The following GABRB2 variants were observed in gnomAD, a reference collection of about 807,000 sequenced individuals.
The protein encoded by GABRB2 is gamma-aminobutyric acid type A receptor subunit beta2.
Under a neutral mutation model 54.7 loss-of-function variants are expected in GABRB2, and 16 were observed. The observed-to-expected ratio is 0.29, with a 90% CI of 0.20 to 0.44. The LOEUF is 0.44. Ranked by LOEUF, GABRB2 falls within the 20% of genes least tolerant of loss-of-function variation. The pLI is 1.00. For synonymous variants in GABRB2, 244 were observed against 233.8 expected, an observed-to-expected ratio of 1.04 and a Z score of -0.40; for missense variants, 355 against 644.0, an observed-to-expected ratio of 0.55 and a Z score of 4.86.
At chr5:161,324,298 A>G (rs967110549) in intron 9 of GABRB2, among the ~76,000 whole-genome samples, 6 of 152,166 alleles carry the variant, frequency 3.9e-5, no homozygotes, top group East Asian at 1.9e-4. Context: ...TACTTTGTGT[A>G]ATTTTAAGAA....
At chr5:161,428,145 A>G (rs1757059520) in intron 4 of GABRB2, among the ~76,000 whole-genome samples, 1 of 152,182 alleles carries the variant, frequency 6.6e-6, no homozygotes, top group Non-Finnish European at 1.5e-5. Flanking sequence ...GCATTAGGCT[A>G]GTGGCTCCTA....
At chr5:161,440,755 T>A (rs1757447013) in intron 4 of GABRB2, among the ~76,000 whole-genome samples, 1 of 152,150 alleles carries the variant, frequency 6.6e-6, no homozygotes, top group African/African-American at 2.4e-5. Flanking sequence ...AGCATGGTAC[T>A]GGCATAGAAA....
chr5:161,301,832 A>G (rs1267791039), intron 9 of GABRB2, among the ~76,000 whole-genome samples: 1 of 152,020 alleles, frequency 6.6e-6, no homozygotes, highest in Non-Finnish European at 1.5e-5. Flanking sequence ...CCAACAAAGA[A>G]GTCTCCTGCT....
intron 4 of GABRB2, among the ~76,000 whole-genome samples, chr5:161,428,676 A>G (rs1352011469): frequency 6.6e-6 from 1 of 152,236 alleles, no homozygotes; most frequent in Non-Finnish European, 1.5e-5. Context: ...ATTCATAGAT[A>G]GCCTTCATTC....
chr5:161,416,696 CAAAAAAAAAAAAAAA>C (rs70990782), intron 4 of GABRB2, among the ~76,000 whole-genome samples: 1 of 35,120 alleles, frequency 2.8e-5, no homozygotes, highest in Admixed American at 4.6e-4. Context: ...GACTCCGTCT[CAAAAAAAAAAAAAAA>C]AAAAAAAAAA....
chr5:161,473,441 G>A (rs552277994), intron 3 of GABRB2, among the ~76,000 whole-genome samples: 6 of 152,036 alleles, frequency 3.9e-5, no homozygotes, highest in Admixed American at 2.6e-4. Flanking sequence ...TACTTACCTC[G>A]AGGAGGAAAA....
intron 4 of GABRB2, among the ~76,000 whole-genome samples, chr5:161,455,750 C>G (rs1757936718): frequency 6.6e-6 from 1 of 151,872 alleles, no homozygotes; most frequent in African/African-American, 2.4e-5. Flanking sequence ...CCAGGCTGGT[C>G]CTGAACTCCT....
chr5:161,393,221 A>C (rs1755885752), intron 5 of GABRB2, among the ~76,000 whole-genome samples: 1 of 148,354 alleles, frequency 6.7e-6, no homozygotes, highest in South Asian at 2.2e-4. Context: ...ACAGTGAAGG[A>C]AAGGGTAATG....
intron 9 of GABRB2, among the ~76,000 whole-genome samples, chr5:161,299,807 A>G (rs1372412815): frequency 3.3e-5 from 5 of 152,190 alleles, no homozygotes; most frequent in African/African-American, 1.2e-4. Context: ...TCATTTAAAG[A>G]TCTCAACAAC....
At chr5:161,338,492 A>G (rs556831686) in intron 5 of GABRB2, among the ~76,000 whole-genome samples, 1 of 152,196 alleles carries the variant, frequency 6.6e-6, no homozygotes, top group East Asian at 1.9e-4. Context: ...CTTTCATTTA[A>G]AAGTAAATTT....
At chr5:161,403,852 G>T (rs941613723) in intron 5 of GABRB2, among the ~76,000 whole-genome samples, 1 of 152,130 alleles carries the variant, frequency 6.6e-6, no homozygotes, top group African/African-American at 2.4e-5. Flanking sequence ...ATCCATGGCA[G>T]ATTTATGCAG....
chr5:161,389,481 C>T, intron 5 of GABRB2, among the ~76,000 whole-genome samples: 1 of 151,946 alleles, frequency 6.6e-6, no homozygotes, highest in East Asian at 1.9e-4. Flanking sequence ...TAATATATCT[C>T]ATATTCATTA....
At chr5:161,535,068 A>G (rs1346037311) in intron 3 of GABRB2, among the ~76,000 whole-genome samples, 1 of 152,246 alleles carries the variant, frequency 6.6e-6, no homozygotes, top group Non-Finnish European at 1.5e-5. Flanking sequence ...ATTAATGGTT[A>G]CCTGACAGAT....
At chr5:161,328,038 A>G (rs771741580) in intron 8 of GABRB2, among the ~76,000 whole-genome samples, 32 of 152,320 alleles carry the variant, frequency 2.1e-4, no homozygotes, top group Non-Finnish European at 1.2e-4. Context: ...CTTGATGGTC[A>G]GCATTTTGTT....
intron 4 of GABRB2, among the ~76,000 whole-genome samples, chr5:161,428,227 T>C (rs1232021903): frequency 1.3e-5 from 2 of 152,042 alleles, no homozygotes; most frequent in Admixed American, 6.6e-5. Context: ...AGGATACATA[T>C]AGACAGTAAA....
chr5:161,497,559 T>TG (rs58735264), intron 3 of GABRB2, among the ~76,000 whole-genome samples: 15 of 150,616 alleles, frequency 1.0e-4, no homozygotes, highest in African/African-American at 2.4e-4. Flanking sequence ...TGTGTGTGTG[T>TG]TTTATTTAGT....
intron 4 of GABRB2, among the ~76,000 whole-genome samples, chr5:161,414,332 G>T (rs1455779377): frequency 6.6e-6 from 1 of 152,232 alleles, no homozygotes; most frequent in African/African-American, 2.4e-5. Context: ...ACAAAAGTAG[G>T]AATGTTTTTA....
At chr5:161,472,457 C>A (rs1758470293) in intron 3 of GABRB2, among the ~76,000 whole-genome samples, 1 of 140,500 alleles carries the variant, frequency 7.1e-6, no homozygotes, top group Admixed American at 7.0e-5. Context: ...CGCACACATG[C>A]ACACACACAC....
upstream of GABRB2, chr5:161,546,847 T>C: frequency 9.0e-7 from 1 of 1,111,912 alleles, no homozygotes; most frequent in Non-Finnish European, 1.2e-6. Context: ...AAAACATGTA[T>C]ATGTATAATA....
Sources: allele counts gnomAD v4.1 joint callset (sites outside exome capture counted in the v4.1 genomes callset), GRCh38; gene constraint gnomAD v4.1.1; transcripts MANE v1.5; gene names NCBI Gene and HGNC (gene_info 2026-07-23, HGNC 2026-07-21).